CHRM3: variants seen among roughly 807,000 people sequenced by gnomAD.
CHRM3 encodes the protein muscarinic acetylcholine receptor M3.
A neutral mutation model predicts 41.8 loss-of-function variants in CHRM3; 11 were observed. That is an observed-to-expected ratio of 0.26 (90% CI 0.17 to 0.44). The LOEUF is 0.44. CHRM3 is among the 20% of genes least tolerant of loss of function. The pLI is 1.00. For missense variants in CHRM3, 571 were observed against 745.4 expected (o/e 0.77, Z 2.72); for synonymous variants, 297 against 301.4 (o/e 0.99, Z 0.15).
intron 1 of CHRM3, among the ~76,000 whole-genome samples, chr1:239,462,225 T>G (rs1665411504): frequency 6.6e-6 from 1 of 152,188 alleles, no homozygotes; most frequent in Non-Finnish European, 1.5e-5. Context: ...ATACATTCAT[T>G]TTATTATTCC....
chr1:239,563,918 G>A (rs1290363549), intron 3 of CHRM3, among the ~76,000 whole-genome samples: 1 of 152,112 alleles, frequency 6.6e-6, no homozygotes, highest in Non-Finnish European at 1.5e-5. Flanking sequence ...TCTTTTTCAT[G>A]AACACTGGAA....
chr1:239,601,210 A>T (rs1665492218), intron 3 of CHRM3, among the ~76,000 whole-genome samples: 1 of 152,148 alleles, frequency 6.6e-6, no homozygotes, highest in Admixed American at 6.5e-5. Context: ...TGTCTTCTCC[A>T]GTTACTTTGT....
At chr1:239,535,869 T>C (rs1223301048) in intron 2 of CHRM3, among the ~76,000 whole-genome samples, 1 of 152,066 alleles carries the variant, frequency 6.6e-6, no homozygotes, top group Non-Finnish European at 1.5e-5. Context: ...ACCTGAGCTG[T>C]CGGGTACAGG....
chr1:239,403,976 G>GGAGAGAGAGAGA (rs531556599), intron 1 of CHRM3, among the ~76,000 whole-genome samples: 922 of 46,498 alleles, frequency 0.02, 122 homozygotes, highest in South Asian at 0.045. Flanking sequence ...AGAGGGAGGG[G>GGAGAGAGAGAGA]GAGAGAGAGA....
chr1:239,831,540 A>C (rs577092129), intron 6 of CHRM3, among the ~76,000 whole-genome samples: 1 of 152,348 alleles, frequency 6.6e-6, no homozygotes, highest in Admixed American at 6.5e-5. Context: ...ATAAGCAGAA[A>C]AATAAGAACT....
intron 3 of CHRM3, among the ~76,000 whole-genome samples, chr1:239,550,098 C>T (rs554108981): frequency 2.1e-4 from 32 of 152,112 alleles, no homozygotes; most frequent in African/African-American, 7.7e-4. Context: ...CTGCCAATCT[C>T]CTCTGCCTCC....
chr1:239,561,697 T>A (rs1018275565), intron 3 of CHRM3, among the ~76,000 whole-genome samples: 3 of 151,986 alleles, frequency 2.0e-5, no homozygotes, highest in Non-Finnish European at 4.4e-5. Context: ...TAGATAATAT[T>A]ACTGATAATT....
At chr1:239,575,350 C>T (rs949674745) in intron 3 of CHRM3, among the ~76,000 whole-genome samples, 2 of 152,100 alleles carry the variant, frequency 1.3e-5, no homozygotes, top group Admixed American at 6.6e-5. Flanking sequence ...CTTATACCTC[C>T]GGCTGACTAA....
intron 2 of CHRM3, among the ~76,000 whole-genome samples, chr1:239,532,263 G>A (rs1411267687): frequency 4.8e-5 from 7 of 146,630 alleles, no homozygotes; most frequent in African/African-American, 1.5e-4. Context: ...CGCCCACCTC[G>A]GCCTCCCAAA....
chr1:239,482,007 A>T (rs527653959), intron 1 of CHRM3, among the ~76,000 whole-genome samples: 1 of 152,086 alleles, frequency 6.6e-6, no homozygotes, highest in Non-Finnish European at 1.5e-5. Context: ...TTTTATTTAT[A>T]TTTTTTTGGA....
At chr1:239,735,766 G>A (rs373727489) in intron 5 of CHRM3, among the ~76,000 whole-genome samples, 1 of 151,990 alleles carries the variant, frequency 6.6e-6, no homozygotes, top group Admixed American at 6.6e-5. Context: ...TCCCTGCTCC[G>A]AAAAATGCTG....
intron 5 of CHRM3, among the ~76,000 whole-genome samples, chr1:239,699,944 T>C (rs1660533939): frequency 6.6e-6 from 1 of 152,186 alleles, no homozygotes; most frequent in Admixed American, 6.6e-5. Flanking sequence ...ATTAGGTTTA[T>C]TTTCTGTTGT....
chr1:239,876,647 G>T (rs539596071), intron 6 of CHRM3, among the ~76,000 whole-genome samples: 2 of 152,330 alleles, frequency 1.3e-5, no homozygotes, highest in South Asian at 4.1e-4. Flanking sequence ...TTCAGTCCCA[G>T]ATATGCATTC....
intron 6 of CHRM3, chr1:239,898,039 A>G (rs905510620): frequency 6.6e-6 from 1 of 152,192 alleles, no homozygotes; most frequent in Non-Finnish European, 1.5e-5. Context: ...ATAGAATTTT[A>G]TTCCGGTTTT....
At chr1:239,653,494 A>G (rs886292111) in intron 4 of CHRM3, among the ~76,000 whole-genome samples, 1 of 152,112 alleles carries the variant, frequency 6.6e-6, no homozygotes, top group African/African-American at 2.4e-5. Flanking sequence ...TCAAGGATGG[A>G]ATCTTTGTCA....
intron 1 of CHRM3, among the ~76,000 whole-genome samples, chr1:239,422,977 C>A (rs1223321603): frequency 2.0e-5 from 3 of 152,066 alleles, no homozygotes; most frequent in Non-Finnish European, 4.4e-5. Flanking sequence ...GGGCGGGCTT[C>A]AAAGATCCTA....
intron 6 of CHRM3, among the ~76,000 whole-genome samples, chr1:239,859,819 T>TTG (rs367766853): frequency 7.6e-6 from 1 of 131,424 alleles, no homozygotes; most frequent in Admixed American, 8.0e-5. Context: ...TCTAAGTGTT[T>TTG]TATATATATA....
intron 6 of CHRM3, among the ~76,000 whole-genome samples, chr1:239,889,465 T>C (rs1678360642): frequency 6.6e-6 from 1 of 152,140 alleles, no homozygotes; most frequent in African/African-American, 2.4e-5. Context: ...CCCTTTTCTA[T>C]TGGCACAGCT....
At chr1:239,633,301 G>A (rs1670072970) in intron 4 of CHRM3, among the ~76,000 whole-genome samples, 1 of 152,138 alleles carries the variant, frequency 6.6e-6, no homozygotes, top group African/African-American at 2.4e-5. Context: ...CAGGAGAGCG[G>A]GGAGAGGGTG....
Sources: allele counts gnomAD v4.1 joint callset (sites outside exome capture counted in the v4.1 genomes callset), GRCh38; gene constraint gnomAD v4.1.1; transcripts MANE v1.5; gene names NCBI Gene and HGNC (gene_info 2026-07-23, HGNC 2026-07-21).